Variants in TMTC1 observed in about 807,000 individuals in gnomAD.
TMTC1 encodes the protein transmembrane O-mannosyltransferase targeting cadherins 1, also known as protein O-mannosyl-transferase TMTC1.
TMTC1 carries 73 observed loss-of-function variants against 104.8 expected under a neutral mutation model. That is an observed-to-expected ratio of 0.70 (90% CI 0.58 to 0.85). TMTC1 has a LOEUF of 0.85. Ranked by LOEUF, TMTC1 falls within the 40% of genes least tolerant of loss-of-function variation. The pLI, the probability that TMTC1 is intolerant of heterozygous loss-of-function variation, is 0.00. For synonymous variants in TMTC1, 434 were observed against 428.7 expected (o/e 1.01, Z -0.15); for missense variants, 1,035 against 1,096.1 (o/e 0.94, Z 0.79).
chr12:29,701,264 G>GGA (rs779053879), intron 5 of TMTC1, among the ~76,000 whole-genome samples: 1 of 152,130 alleles, frequency 6.6e-6, no homozygotes, highest in Non-Finnish European at 1.5e-5. Context: ...TCCTGCTGCG[G>GGA]GAGTAAGATT....
At chr12:29,603,683 T>G (rs79839240) in intron 7 of TMTC1, among the ~76,000 whole-genome samples, 1 of 152,190 alleles carries the variant, frequency 6.6e-6, no homozygotes. Context: ...TCACACACAT[T>G]TGAATGTCTT....
intron 5 of TMTC1, among the ~76,000 whole-genome samples, chr12:29,746,571 C>T (rs759170485): frequency 6.6e-5 from 10 of 152,140 alleles, no homozygotes; most frequent in Middle Eastern, 3.4e-3. Context: ...AAAAAGAGTA[C>T]GATGAAAGGT....
chr12:29,601,300 G>T (rs547628078), intron 7 of TMTC1, among the ~76,000 whole-genome samples: 1 of 152,310 alleles, frequency 6.6e-6, no homozygotes, highest in South Asian at 2.1e-4. Flanking sequence ...ATGAGCTTCC[G>T]TAACATTTAC....
Position 29,617,268 on chromosome 12 carries a change from C to T in TMTC1, c.1129-12969G>A, listed in dbSNP as rs540945651. Reference sequence around the variant, plus strand: ...GATGACGAAGGGAACCATCAGACACCTCCACCCCAGTTTACGTGCTTTGTC... The same window carrying T: ...GATGACGAAGGGAACCATCAGACACTTCCACCCCAGTTTACGTGCTTTGTC... On this transcript the variant is annotated intron_variant, in intron 6 of 17. Coordinates refer to ENST00000539277, the MANE Select transcript of TMTC1 (RefSeq NM_001193451.2). 7.2e-4 allele frequency among the ~76,000 whole-genome samples: 110 copies of T among 152,066 alleles called. 1 individual carries two copies. The highest frequency in any genetic ancestry group is 3.4e-3 in the Middle Eastern group (1 of 294).
intron 5 of TMTC1, among the ~76,000 whole-genome samples, chr12:29,663,005 G>A (rs201137652): frequency 6.6e-6 from 1 of 152,180 alleles, no homozygotes; most frequent in East Asian, 1.9e-4. Flanking sequence ...CAGGGATACT[G>A]TCAGCTCTCA....
chr12:29,588,911 C>A (rs1946209950), intron 7 of TMTC1, among the ~76,000 whole-genome samples: 1 of 151,902 alleles, frequency 6.6e-6, no homozygotes, highest in Non-Finnish European at 1.5e-5. Flanking sequence ...GTCTTGGGAC[C>A]CCAATTGACT....
At chr12:29,703,037 G>A (rs1286610798) in intron 5 of TMTC1, among the ~76,000 whole-genome samples, 3 of 151,946 alleles carry the variant, frequency 2.0e-5, no homozygotes, top group East Asian at 1.9e-4. Context: ...CCAGCTACTC[G>A]GGAGGCTGAG....
chr12:29,625,166 T>C (rs1457515220), intron 6 of TMTC1, among the ~76,000 whole-genome samples: 1 of 152,198 alleles, frequency 6.6e-6, no homozygotes, highest in Admixed American at 6.5e-5. Context: ...AAACATTTCA[T>C]CTATTGTTTC....
intron 7 of TMTC1, among the ~76,000 whole-genome samples, chr12:29,595,237 C>T (rs1375403569): frequency 6.6e-6 from 1 of 152,152 alleles, no homozygotes; most frequent in Non-Finnish European, 1.5e-5. Flanking sequence ...GGGCAGAATT[C>T]CAGTCCAATA....
intron 11 of TMTC1, among the ~76,000 whole-genome samples, chr12:29,530,218 T>C (rs1326212755): frequency 1.3e-5 from 2 of 152,096 alleles, no homozygotes; most frequent in Non-Finnish European, 2.9e-5. Flanking sequence ...AAAAACTCAA[T>C]TCCCAGCTAT....
At chr12:29,661,764 G>C (rs1940041366) in intron 5 of TMTC1, among the ~76,000 whole-genome samples, 1 of 152,044 alleles carries the variant, frequency 6.6e-6, no homozygotes, top group African/African-American at 2.4e-5. Flanking sequence ...AGGCAACAAA[G>C]TTATGAGTAT....
chr12:29,612,159 C>T (rs12828728), intron 6 of TMTC1, among the ~76,000 whole-genome samples: 18,093 of 152,134 alleles, frequency 0.12, 1,154 homozygotes, highest in Middle Eastern at 0.21. Flanking sequence ...TCTCTACCAT[C>T]TGACTTCATA....
intron 11 of TMTC1, chr12:29,533,895 C>A (rs2136195435): frequency 6.6e-6 from 1 of 152,278 alleles, no homozygotes; most frequent in South Asian, 2.1e-4. Context: ...AAACTGCCTG[C>A]AAAATGGCTG....
At chr12:29,548,829 T>A (rs1259640864) in intron 10 of TMTC1, among the ~76,000 whole-genome samples, 10 of 106,932 alleles carry the variant, frequency 9.4e-5, no homozygotes, top group South Asian at 7.4e-4. Flanking sequence ...TATTGCTTGA[T>A]TATATCACTT....
intron 11 of TMTC1, chr12:29,535,875 T>A (rs1026841925): frequency 3.8e-6 from 1 of 259,924 alleles, no homozygotes; most frequent in African/African-American, 2.3e-5. Flanking sequence ...TCAGCGATCT[T>A]AGACCACTTG....
chr12:29,530,972 T>C (rs1483696286), intron 11 of TMTC1, among the ~76,000 whole-genome samples: 3 of 152,250 alleles, frequency 2.0e-5, no homozygotes, highest in African/African-American at 7.2e-5. Context: ...CCACTACCCA[T>C]ATATTCCTCT....
chr12:29,570,632 T>C (rs1175345879), intron 9 of TMTC1, among the ~76,000 whole-genome samples: 1 of 151,992 alleles, frequency 6.6e-6, no homozygotes, highest in African/African-American at 2.4e-5. Flanking sequence ...TCACTTGAGG[T>C]CAGGAGTTCA....
chr12:29,617,571 A>AGAG (rs1947021078), intron 6 of TMTC1, among the ~76,000 whole-genome samples: 1 of 147,644 alleles, frequency 6.8e-6, no homozygotes, highest in African/African-American at 2.7e-5. Flanking sequence ...AGAGAGAGAT[A>AGAG]AAAACCCTGC....
At chr12:29,686,192 C>A (rs1177480817) in intron 5 of TMTC1, among the ~76,000 whole-genome samples, 1 of 152,206 alleles carries the variant, frequency 6.6e-6, no homozygotes, top group Non-Finnish European at 1.5e-5. Flanking sequence ...TGAACATCTT[C>A]ACCTCTGATT....
Sources: gnomAD v4.1 joint callset for allele counts (sites outside exome capture counted in the v4.1 genomes callset) on GRCh38, gnomAD v4.1.1 for gene constraint, MANE v1.5 for transcripts, NCBI Gene and HGNC (gene_info 2026-07-23, HGNC 2026-07-21) for gene names.